The following ROBO1 variants were observed in gnomAD, a reference collection of about 807,000 sequenced individuals.
ROBO1 encodes the protein roundabout homolog 1.
ROBO1 carries 149 observed loss-of-function variants against 195.9 expected under a neutral mutation model. The observed-to-expected ratio is 0.76, with a 90% CI of 0.67 to 0.87. ROBO1 has a LOEUF of 0.87. ROBO1 is among the 40% of genes least tolerant of loss of function. The pLI, the probability that ROBO1 is intolerant of heterozygous loss-of-function variation, is 0.00. For missense variants in ROBO1, 1,933 were observed against 2,068.3 expected (o/e 0.93, Z 1.27); for synonymous variants, 816 against 733.2 (o/e 1.11, Z -1.82).
intron 2 of ROBO1, among the ~76,000 whole-genome samples, chr3:79,546,142 TTAATAG>T (rs1184289440): frequency 4.6e-5 from 7 of 152,154 alleles, no homozygotes; most frequent in Non-Finnish European, 7.4e-5. Flanking sequence ...TACATTAATA[TTAATAG>T]TAATAGTAAT....
chr3:79,446,046 C>G (rs189880087), intron 2 of ROBO1, among the ~76,000 whole-genome samples: 1 of 152,174 alleles, frequency 6.6e-6, no homozygotes, highest in Non-Finnish European at 1.5e-5. Flanking sequence ...AATCCCCTTG[C>G]CTCAGCCTCC....
chr3:79,761,565 A>G (rs529763699), intron 1 of ROBO1, among the ~76,000 whole-genome samples: 343 of 152,328 alleles, frequency 2.3e-3, no homozygotes, highest in Non-Finnish European at 3.7e-3. Context: ...ATAAAAAGTC[A>G]GAGTCATTAA....
At chr3:79,118,011 G>A (rs557628973) in intron 3 of ROBO1, among the ~76,000 whole-genome samples, 12 of 152,248 alleles carry the variant, frequency 7.9e-5, no homozygotes, top group African/African-American at 2.9e-4. Context: ...TTGCCATAGG[G>A]CCACAACAGT....
At chr3:79,685,619 GT>G (rs1947081248) in intron 1 of ROBO1, among the ~76,000 whole-genome samples, 1 of 152,106 alleles carries the variant, frequency 6.6e-6, no homozygotes, top group Admixed American at 6.6e-5. Context: ...CTGAGAATGG[GT>G]CTTTGGCAAG....
chr3:79,406,056 T>C (rs2037534006), intron 2 of ROBO1, among the ~76,000 whole-genome samples: 1 of 152,120 alleles, frequency 6.6e-6, no homozygotes, highest in Non-Finnish European at 1.5e-5. Context: ...TTTCAGGGCA[T>C]CTCTGAAGAA....
chr3:79,676,710 C>A (rs1279872240), intron 1 of ROBO1, among the ~76,000 whole-genome samples: 1 of 151,992 alleles, frequency 6.6e-6, no homozygotes, highest in Non-Finnish European at 1.5e-5. Flanking sequence ...TGGAATCTTG[C>A]AGGTAACATT....
At chr3:79,277,627 G>C (rs917976051) in intron 2 of ROBO1, among the ~76,000 whole-genome samples, 3 of 152,042 alleles carry the variant, frequency 2.0e-5, no homozygotes, top group Middle Eastern at 3.4e-3. Context: ...AGTATAATTG[G>C]ATTGTTTATA....
At chr3:78,715,246 A>G (rs1431327345) in intron 7 of ROBO1, 1 of 152,200 alleles carries the variant, frequency 6.6e-6, no homozygotes, top group African/African-American at 2.4e-5. Flanking sequence ...GGCACCTAAT[A>G]TTTAATGTAT....
intron 2 of ROBO1, among the ~76,000 whole-genome samples, chr3:79,463,935 A>C (rs1192472447): frequency 6.6e-6 from 1 of 152,144 alleles, no homozygotes; most frequent in Admixed American, 6.6e-5. Flanking sequence ...TTGCTCATTC[A>C]CATCCTTTCC....
intron 5 of ROBO1, among the ~76,000 whole-genome samples, chr3:78,718,425 A>G (rs2081956345): frequency 6.6e-6 from 1 of 152,138 alleles, no homozygotes; most frequent in Non-Finnish European, 1.5e-5. Context: ...TTATTTCCTT[A>G]AAAACGTGAT....
chr3:78,690,125 CTTAATATGCATA>C (rs143150410), intron 8 of ROBO1, among the ~76,000 whole-genome samples: 40,287 of 149,964 alleles, frequency 0.27, 5,646 homozygotes, highest in East Asian at 0.56. Flanking sequence ...TTAAAAGCTA[CTTAATATGCATA>C]TTAAAAACAT....
intron 2 of ROBO1, among the ~76,000 whole-genome samples, chr3:79,564,465 T>A (rs2107722500): frequency 6.6e-6 from 1 of 152,186 alleles, no homozygotes; most frequent in South Asian, 2.1e-4. Context: ...TAAATTTCTG[T>A]TTGTCAGAAA....
intron 3 of ROBO1, among the ~76,000 whole-genome samples, chr3:78,993,879 A>G (rs549528606): frequency 1.3e-5 from 2 of 152,204 alleles, no homozygotes; most frequent in South Asian, 4.1e-4. Flanking sequence ...TTCCCACAAA[A>G]TCCTGTCACA....
At chr3:78,942,491 T>C (rs1326499797) in intron 3 of ROBO1, among the ~76,000 whole-genome samples, 4 of 151,986 alleles carry the variant, frequency 2.6e-5, no homozygotes, top group Non-Finnish European at 4.4e-5. Context: ...CCATGTTTCT[T>C]GTCTCTGTAA....
At chr3:79,464,864 A>ACT (rs1937870756) in intron 2 of ROBO1, among the ~76,000 whole-genome samples, 1 of 152,114 alleles carries the variant, frequency 6.6e-6, no homozygotes, top group Non-Finnish European at 1.5e-5. Context: ...AGGTGCAGGT[A>ACT]CTCTACACAT....
intron 3 of ROBO1, among the ~76,000 whole-genome samples, chr3:79,064,312 A>G (rs1055245159): frequency 2.6e-5 from 4 of 151,916 alleles, no homozygotes; most frequent in African/African-American, 9.7e-5. Flanking sequence ...ACTTGTATAC[A>G]CTGACATACC....
chr3:79,209,788 C>T (rs1482627573), intron 2 of ROBO1, among the ~76,000 whole-genome samples: 3 of 152,006 alleles, frequency 2.0e-5, no homozygotes, highest in Admixed American at 2.0e-4. Context: ...GTCTAGAAAA[C>T]ACTAAAGACT....
chr3:79,083,052 C>G (rs576747934), intron 3 of ROBO1, among the ~76,000 whole-genome samples: 1 of 152,106 alleles, frequency 6.6e-6, no homozygotes, highest in Admixed American at 6.5e-5. Context: ...TGTAAATTAG[C>G]AGGGTGTGGT....
At chr3:79,724,965 C>A (rs1702852971) in intron 1 of ROBO1, among the ~76,000 whole-genome samples, 1 of 152,124 alleles carries the variant, frequency 6.6e-6, no homozygotes, top group Non-Finnish European at 1.5e-5. Flanking sequence ...TCTTTGATAT[C>A]CTAGACTCCA....
Sources: allele counts gnomAD v4.1 joint callset (sites outside exome capture counted in the v4.1 genomes callset), GRCh38; gene constraint gnomAD v4.1.1; transcripts MANE v1.5; gene names NCBI Gene and HGNC (gene_info 2026-07-23, HGNC 2026-07-21).